SLC12A9: variants seen among roughly 807,000 people sequenced by gnomAD.
SLC12A9 encodes the protein solute carrier family 12 member 9.
In SLC12A9, 55 loss-of-function variants were observed where a neutral mutation model predicts 66.0. The ratio of observed to expected loss-of-function variants is 0.83; its 90% CI spans 0.67 to 1.04. The LOEUF (loss-of-function observed/expected upper bound fraction) is 1.04, where lower values mean the gene tolerates loss of function less well. Ranked by LOEUF, SLC12A9 falls within the 50% of genes least tolerant of loss-of-function variation. SLC12A9 has a pLI of 0.00. For missense variants in SLC12A9, 1,061 were observed against 1,241.9 expected, an observed-to-expected ratio of 0.85 and a Z score of 2.19; for synonymous variants, 577 against 569.0, an observed-to-expected ratio of 1.01 and a Z score of -0.20.
intron 13 of SLC12A9, 175 bp from the exon 14 acceptor site, chr7:100,865,544 G>A: frequency 7.6e-6 from 12 of 1,574,362 alleles, no homozygotes; most frequent in Non-Finnish European, 9.5e-6. Context: ...AAGTGTTTAG[G>A]AAAAATGAAA....
At chr7:100,843,333 C>G (rs751149096) in intron 1 of SLC12A9, among the ~76,000 whole-genome samples, 34 of 152,206 alleles carry the variant, frequency 2.2e-4, no homozygotes, top group East Asian at 1.9e-4. Context: ...AATCAAATAG[C>G]TGCAGGATTT....
At chr7:100,846,702 AG>A (rs772343145) in intron 1 of SLC12A9, among the ~76,000 whole-genome samples, 27 of 152,280 alleles carry the variant, frequency 1.8e-4, no homozygotes, top group Non-Finnish European at 3.2e-4. Flanking sequence ...TCCACTATTG[AG>A]TGAGTCTCAA....
At chr7:100,863,218 C>T (rs902554370) in intron 13 of SLC12A9, among the ~76,000 whole-genome samples, 1 of 152,094 alleles carries the variant, frequency 6.6e-6, no homozygotes, top group Non-Finnish European at 1.5e-5. Context: ...GCATGTGCTA[C>T]CATACCTGGC....
In SLC12A9 at chr7:100,866,642, G is replaced by C. The variant is rs1338431288; in HGVS notation, c.*37G>C. 3 of 1,483,512 alleles carry C rather than the reference G, an allele frequency of 2.0e-6. No homozygotes were observed. The highest frequency in any genetic ancestry group is 2.7e-6 in the Non-Finnish European group (3 of 1,112,640). 91.9% of individuals were successfully genotyped at this position (1,483,512 alleles called of 1,614,324 possible). ...CCAGGGCTAGGTAGAGAGGGCCCAG[G>C]CAGGCGGCCTATCCTGATCCTTGGA... On this transcript the variant is annotated 3_prime_UTR_variant, in exon 14 of 14. Coordinates refer to ENST00000354161, the MANE Select transcript of SLC12A9 (RefSeq NM_020246.4). This position sits in a 1 kb window ranked among gnomAD's most constrained non-coding sequence, Gnocchi z 7.3.
At chr7:100,834,402 A>G (rs1199577752) in intron 1 of SLC12A9, among the ~76,000 whole-genome samples, 1 of 152,194 alleles carries the variant, frequency 6.6e-6, no homozygotes, top group African/African-American at 2.4e-5. Flanking sequence ...GCAACATTGC[A>G]TGGTTTGTAG....
At chr7:100,854,512 G>A in intron 2 of SLC12A9, 108 bp from the exon 3 acceptor site, 2 of 1,594,248 alleles carry the variant, frequency 1.3e-6, no homozygotes, top group South Asian at 1.1e-5. Context: ...TTGGGGAGGG[G>A]CTCTCTGTGG....
upstream of SLC12A9, among the ~76,000 whole-genome samples, chr7:100,849,333 C>G (rs1226742784): frequency 6.6e-6 from 1 of 152,070 alleles, no homozygotes; most frequent in African/African-American, 2.4e-5. Context: ...CACCCTCAAC[C>G]TCCCAGATTC....
chr7:100,866,724 C>T lies in SLC12A9; in HGVS notation c.*119C>T. 12 of 1,148,276 alleles carry T rather than the reference C, an allele frequency of 1.0e-5. No homozygotes were observed. The highest frequency in any genetic ancestry group is 1.4e-5 in the Non-Finnish European group (12 of 852,172). The allele number at this position is 1,148,276 out of a possible 1,614,324, so 71.1% of individuals were successfully genotyped here. On this transcript the variant is annotated 3_prime_UTR_variant, in exon 14 of 14. Coordinates refer to ENST00000354161, the MANE Select transcript of SLC12A9 (RefSeq NM_020246.4). The surrounding 1 kb of genome is among the most constrained non-coding windows in gnomAD (Gnocchi z 7.3). The stretch of plus-strand genomic sequence containing the variant: ...GGCCCTGCCCTTGGGACGTGGAGCC[C>T]AGGGGAGGTTTGAAGGGGATCCTGG...
upstream of SLC12A9, among the ~76,000 whole-genome samples, chr7:100,848,908 A>AAAAGAAAG (rs141258756): frequency 8.0e-4 from 120 of 149,734 alleles, no homozygotes; most frequent in African/African-American, 2.8e-3. Context: ...AGAAAGAAAG[A>AAAAGAAAG]AAAGAAAGAA....
intron 12 of SLC12A9, 142 bp from the exon 13 acceptor site, chr7:100,862,539 C>G: frequency 1.0e-6 from 1 of 995,514 alleles, no homozygotes. Context: ...AGCCCCGACA[C>G]CAGCCCCTCT....
Position 100,861,827 on chromosome 7 carries a change from G to A in SLC12A9, c.1627G>A (p.Gly543Ser), listed in dbSNP as rs541060100. The A allele has an allele frequency of 5.6e-6, 9 of 1,614,090 alleles. No homozygotes were observed. Among genetic ancestry groups the A allele is most frequent in the Non-Finnish European group, 7.6e-6 (9 of 1,179,998 alleles). ...GCTGCTCCTGGTGGGGAACCCCCGG[G>A]GCGCCCTGCCTCTGCTGCGGTTGGC... ...QLLLLVGNPR[G>S]ALPLLRLANQ... is the part of the protein sequence containing the mutation. Residue 543 changes from glycine to serine, a missense_variant, in exon 12 of 14, where the codon GGC (glycine) becomes AGC (serine). Transcript: ENST00000354161. This position sits in a 1 kb window ranked among gnomAD's most constrained non-coding sequence, Gnocchi z 5.3.
chr7:100,835,625 G>A (rs1275691637), intron 1 of SLC12A9, among the ~76,000 whole-genome samples: 14 of 151,984 alleles, frequency 9.2e-5, no homozygotes, highest in Admixed American at 9.2e-4. Flanking sequence ...ACTCCAGCCT[G>A]GGTGACAGAG....
At chr7:100,831,922 A>T (rs1813551281) in intron 1 of SLC12A9, among the ~76,000 whole-genome samples, 1 of 152,176 alleles carries the variant, frequency 6.6e-6, no homozygotes, top group African/African-American at 2.4e-5. Context: ...CCATAATTTA[A>T]ACAGTTTTGA....
upstream of SLC12A9, among the ~76,000 whole-genome samples, chr7:100,852,144 AAG>A (rs1814108810): frequency 6.6e-6 from 1 of 152,228 alleles, no homozygotes; most frequent in Non-Finnish European, 1.5e-5. Flanking sequence ...GCAGGGAGGC[AAG>A]AAAGCGGGCA....
chr7:100,861,582 C>A lies in SLC12A9; in HGVS notation c.1534C>A (p.Gln512Lys). ...GYVSQALLFH[Q>K]VRKYLLRLDV... ...TGTCAGCCAGGCCTTGCTTTTCCAC[C>A]AGGTATGGGGAGCTGGTGGGGCGGT... Residue 512 changes from glutamine to lysine, a missense_variant and splice_region_variant, in exon 11 of 14, where the codon CAG (glutamine) becomes AAG (lysine). Physicochemically the swap from Gln to Lys is moderately conservative, Grantham distance 53. Transcript: ENST00000354161. This position sits in a 1 kb window ranked among gnomAD's most constrained non-coding sequence, Gnocchi z 5.3. 1.2e-6 allele frequency: 2 copies of A among 1,613,230 alleles called. No individual in the cohort carries two copies. Among genetic ancestry groups the A allele is most frequent in the South Asian group, 2.2e-5 (2 of 91,042 alleles).
In SLC12A9 at chr7:100,866,311, A is replaced by G; in HGVS notation, c.2451A>G (p.Glu817=). 2 of 1,513,526 alleles carry G rather than the reference A, an allele frequency of 1.3e-6. No homozygotes were observed. The highest frequency in any genetic ancestry group is 1.8e-6 in the Non-Finnish European group (2 of 1,128,462). The allele number at this position is 1,513,526 out of a possible 1,614,324, so 93.8% of individuals were successfully genotyped here. ...AGAGEPEAEE[E]GDFVNSGRGD... is the part of the protein sequence containing the mutation. ...CTGGGGAACCCGAGGCGGAGGAGGA[A>G]GGGGACTTTGTGAACAGTGGGCGGG... The change falls in exon 14 of 14, where the codon GAA becomes GAG. Residue 817 remains glutamate, a synonymous_variant. Transcript: ENST00000354161. This position sits in a 1 kb window ranked among gnomAD's most constrained non-coding sequence, Gnocchi z 7.3.
rs1232040361 is a variant in SLC12A9 at position 100,865,692 on chromosome 7, T to C, written c.1859-27T>C. ...AGCCTGTGAGCCTGACTCCTGTCTGTTCCTGCCTTCCCCGCTCTGCCCCCA... is the reference window on the plus strand; with the variant it reads ...AGCCTGTGAGCCTGACTCCTGTCTGCTCCTGCCTTCCCCGCTCTGCCCCCA... On this transcript the variant is annotated intron_variant, in intron 13 of 13. Transcript: ENST00000354161. The C allele has an allele frequency of 2.5e-6, 4 of 1,584,720 alleles. No individual in the cohort carries two copies. In the South Asian group the frequency reaches 4.6e-5, roughly 18 times the overall value.
chr7:100,862,543 C>A (rs1584707130), intron 12 of SLC12A9, 138 bp from the exon 13 acceptor site: 3 of 1,009,528 alleles, frequency 3.0e-6, no homozygotes, highest in East Asian at 5.1e-5. Context: ...CCGACACCAG[C>A]CCCTCTGCCC....
chr7:100,860,952 G>T, intron 9 of SLC12A9, 186 bp from the exon 10 acceptor site: 1 of 1,057,394 alleles, frequency 9.5e-7, no homozygotes, highest in Non-Finnish European at 1.4e-6. Flanking sequence ...TGGCACTTTT[G>T]GGGTTTAATA....
Sources: gnomAD v4.1 joint callset for allele counts (sites outside exome capture counted in the v4.1 genomes callset) on GRCh38, gnomAD v4.1.1 for gene constraint, Gnocchi (gnomAD v3.1) non-coding constraint, MANE v1.5 for transcripts, NCBI Gene and HGNC (gene_info 2026-07-23, HGNC 2026-07-21) for gene names.